Variants in LPIN2 observed in about 807,000 individuals in gnomAD.
LPIN2 encodes phosphatidate phosphatase LPIN2.
Under a neutral mutation model 111.4 loss-of-function variants are expected in LPIN2, and 55 were observed. The ratio of observed to expected loss-of-function variants is 0.49; its 90% CI spans 0.40 to 0.62. The LOEUF is 0.62. Ranked by LOEUF, LPIN2 falls within the 20% of genes least tolerant of loss-of-function variation. LPIN2 has a pLI of 0.00. For missense variants in LPIN2, 992 were observed against 1,112.1 expected (o/e 0.89, Z 1.54); for synonymous variants, 425 against 414.0 (o/e 1.03, Z -0.32).
chr18:2,986,851 T>C (rs1343512351), intron 1 of LPIN2, among the ~76,000 whole-genome samples: 1 of 152,184 alleles, frequency 6.6e-6, no homozygotes, highest in Non-Finnish European at 1.5e-5. Flanking sequence ...AGAGTAATTA[T>C]GGCCTGACTT....
chr18:2,947,384 C>T (rs1035684453), intron 4 of LPIN2, among the ~76,000 whole-genome samples: 2 of 152,200 alleles, frequency 1.3e-5, no homozygotes, highest in African/African-American at 4.8e-5. Flanking sequence ...CATCCATCCT[C>T]TAGAAGGACA....
intron 7 of LPIN2, 121 bp downstream of exon 7, chr18:2,937,571 A>AAAG: frequency 3.4e-6 from 2 of 591,232 alleles, no homozygotes; most frequent in African/African-American, 2.2e-5. Flanking sequence ...AAAAAAAAAA[A>AAAG]GTGCGACGGG....
intron 7 of LPIN2, among the ~76,000 whole-genome samples, chr18:2,935,663 T>C (rs942086545): frequency 2.6e-5 from 4 of 152,098 alleles, no homozygotes; most frequent in African/African-American, 4.8e-5. Flanking sequence ...AAGATGACAA[T>C]AGTACTGGGG....
At position 2,932,538 on chromosome 18, in the gene LPIN2, G is replaced by C. The variant is rs561534372; in HGVS notation, c.1269-1095C>G. Reference sequence around the variant, plus strand: ...TTGAGATTAACTGGACTGACAGAATGTTCTCACTGGAAACACAAAGTCAGC... The same window carrying C: ...TTGAGATTAACTGGACTGACAGAATCTTCTCACTGGAAACACAAAGTCAGC... On this transcript the variant is annotated intron_variant, in intron 8 of 19. Coordinates refer to ENST00000677752, the MANE Select transcript of LPIN2 (RefSeq NM_001375808.2). Among the ~76,000 whole-genome samples the C allele has an allele frequency of 4.2e-4, 64 of 152,328 alleles. 1 individual carries two copies. In the South Asian group the frequency reaches 0.012, roughly 30 times the overall value.
chr18:2,990,479 G>C (rs1272251385), intron 1 of LPIN2, among the ~76,000 whole-genome samples: 1 of 152,152 alleles, frequency 6.6e-6, no homozygotes, highest in Non-Finnish European at 1.5e-5. Flanking sequence ...AAAGGATCTA[G>C]ATAAACCCTT....
intron 13 of LPIN2, among the ~76,000 whole-genome samples, chr18:2,926,071 G>T (rs1218391207): frequency 6.6e-6 from 1 of 152,186 alleles, no homozygotes; most frequent in African/African-American, 2.4e-5. Context: ...GAGCCGAGGA[G>T]CTATGATTAT....
At chr18:2,955,349 C>T (rs1056982312) in intron 2 of LPIN2, among the ~76,000 whole-genome samples, 2 of 152,084 alleles carry the variant, frequency 1.3e-5, no homozygotes, top group African/African-American at 4.8e-5. Flanking sequence ...GAAGTGGGGG[C>T]AGACACGTCA....
chr18:2,952,677 G>A (rs1380142253), intron 3 of LPIN2, among the ~76,000 whole-genome samples: 1 of 152,074 alleles, frequency 6.6e-6, no homozygotes, highest in Non-Finnish European at 1.5e-5. Context: ...GAGAGGTCGT[G>A]GTCTCTGACT....
chr18:2,971,699 T>TA (rs1332020435), intron 1 of LPIN2, among the ~76,000 whole-genome samples: 8 of 147,046 alleles, frequency 5.4e-5, no homozygotes, highest in South Asian at 2.1e-4. Context: ...CTCACTGACT[T>TA]AGAGTAAAAT....
At chr18:2,990,158 T>C (rs1328796924) in intron 1 of LPIN2, among the ~76,000 whole-genome samples, 1 of 152,174 alleles carries the variant, frequency 6.6e-6, no homozygotes, top group Non-Finnish European at 1.5e-5. Flanking sequence ...CTTTACACCA[T>C]ATTAAAAAAT....
intron 4 of LPIN2, among the ~76,000 whole-genome samples, chr18:2,945,010 T>G (rs2143040176): frequency 1.3e-5 from 2 of 152,320 alleles, no homozygotes; most frequent in South Asian, 2.1e-4. Context: ...TCCCCTTTAC[T>G]TACTATACTA....
chr18:2,932,809 G>A (rs1285051249), intron 8 of LPIN2, among the ~76,000 whole-genome samples: 1 of 152,166 alleles, frequency 6.6e-6, no homozygotes, highest in Non-Finnish European at 1.5e-5. Context: ...GACCCTATGG[G>A]GATGGGAGAG....
In LPIN2 at chr18:2,929,169, A is replaced by C; in HGVS notation, c.1457-11T>G. ...GCTCCATGAATTTTTCTGCAATGTA[A>C]AATAATAATCAATTTGGTTAGAGAT... On this transcript the variant is annotated splice_polypyrimidine_tract_variant and intron_variant, in intron 9 of 19. Coordinates refer to ENST00000677752, the MANE Select transcript of LPIN2 (RefSeq NM_001375808.2). 6.6e-7 allele frequency: 1 copy of C among 1,519,924 alleles called. No homozygotes were observed. The highest frequency in any genetic ancestry group is 9.1e-7 in the Non-Finnish European group (1 of 1,094,592). 94.2% of individuals were successfully genotyped at this position (1,519,924 alleles called of 1,614,324 possible).
At chr18:2,990,853 G>A (rs1228240399) in intron 1 of LPIN2, 1 of 452,058 alleles carries the variant, frequency 2.2e-6, no homozygotes, top group African/African-American at 2.0e-5. Flanking sequence ...CCGCCGGCAG[G>A]GACAATGATA....
intron 7 of LPIN2, 59 bp from the exon 8 acceptor site, chr18:2,934,509 A>C: frequency 9.4e-7 from 1 of 1,064,334 alleles, no homozygotes; most frequent in Non-Finnish European, 1.5e-6. Flanking sequence ...CAGCTCTGCA[A>C]AACACACGCA....
intron 1 of LPIN2, among the ~76,000 whole-genome samples, chr18:2,998,920 A>G (rs2078386408): frequency 6.6e-6 from 1 of 152,224 alleles, no homozygotes; most frequent in Admixed American, 6.5e-5. Context: ...CAACTCAGAT[A>G]CTGTCATTAA....
At chr18:2,964,344 T>C (rs1394311010) in intron 1 of LPIN2, among the ~76,000 whole-genome samples, 1 of 141,226 alleles carries the variant, frequency 7.1e-6, no homozygotes. Context: ...ATCTATGACC[T>C]CCCTCTGTCC....
Position 2,925,362 on chromosome 18 carries a change from G to A in LPIN2, c.1800C>T (p.Ala600=), listed in dbSNP as rs369572309. ...SSKEPAGARP[A]ENDSSSDEGS... ...CCTCGTCACTCGAGGAGTCATTCTC[G>A]GCCGGCCTGTTCAACATTAGCCCAG... The change falls in exon 14 of 20, where the codon GCC becomes GCT. Residue 600 remains alanine, a synonymous_variant. Coordinates refer to ENST00000677752, the MANE Select transcript of LPIN2 (RefSeq NM_001375808.2). This position sits in a 1 kb window ranked among gnomAD's most constrained non-coding sequence, Gnocchi z 4.1. 8.1e-6 allele frequency: 13 copies of A among 1,613,912 alleles called. No individual in the cohort carries two copies. Among genetic ancestry groups the A allele is most frequent in the African/African-American group, 2.7e-5 (2 of 74,862 alleles).
At chr18:2,983,695 A>G (rs186065259) in intron 1 of LPIN2, among the ~76,000 whole-genome samples, 1 of 152,252 alleles carries the variant, frequency 6.6e-6, no homozygotes, top group Non-Finnish European at 1.5e-5. Context: ...AAGAATGAAA[A>G]GAGAATAAAA....
Sources: gnomAD v4.1 joint callset for allele counts (sites outside exome capture counted in the v4.1 genomes callset) on GRCh38, gnomAD v4.1.1 for gene constraint, Gnocchi (gnomAD v3.1) non-coding constraint, MANE v1.5 for transcripts, NCBI Gene and HGNC (gene_info 2026-07-23, HGNC 2026-07-21) for gene names.